CDH4: variants seen among roughly 807,000 people sequenced by gnomAD.
CDH4 encodes cadherin 4.
Under a neutral mutation model 86.0 loss-of-function variants are expected in CDH4, and 33 were observed. The observed-to-expected ratio is 0.38, with a 90% CI of 0.29 to 0.51. The LOEUF is 0.51. Among genes scored for constraint, CDH4 ranks in the 20% least tolerant of loss-of-function variants. The probability of loss-of-function intolerance (pLI) is 0.86; values close to 1 mark genes in which losing one functional copy is unlikely to be tolerated. For synonymous variants in CDH4, 555 were observed against 549.4 expected, an observed-to-expected ratio of 1.01 and a Z score of -0.14; for missense variants, 1,114 against 1,307.4, an observed-to-expected ratio of 0.85 and a Z score of 2.28.
At chr20:61,884,142 G>A (rs1288144185) in intron 7 of CDH4, among the ~76,000 whole-genome samples, 12 of 152,294 alleles carry the variant, frequency 7.9e-5, no homozygotes, top group Admixed American at 3.9e-4. Context: ...GAGTGAGAGG[G>A]GAGGGTCTGC....
chr20:61,932,120 C>T (rs911065780), intron 13 of CDH4, among the ~76,000 whole-genome samples: 1 of 152,168 alleles, frequency 6.6e-6, no homozygotes, highest in Non-Finnish European at 1.5e-5. Flanking sequence ...CCTACCAAGA[C>T]ACTGTGTGCC....
chr20:61,477,585 T>C (rs1600703112), intron 2 of CDH4, among the ~76,000 whole-genome samples: 1 of 152,226 alleles, frequency 6.6e-6, no homozygotes, highest in Non-Finnish European at 1.5e-5. Context: ...CATCCCGCCT[T>C]CCTTGAGCTC....
chr20:61,531,674 G>A (rs7271943), intron 2 of CDH4, among the ~76,000 whole-genome samples: 5,025 of 152,234 alleles, frequency 0.033, 267 homozygotes, highest in African/African-American at 0.11. Flanking sequence ...GGAGGGCAGC[G>A]CCAAGTGCAT....
chr20:61,297,729 C>T (rs1477605306), intron 2 of CDH4, among the ~76,000 whole-genome samples: 1 of 152,250 alleles, frequency 6.6e-6, no homozygotes, highest in African/African-American at 2.4e-5. Context: ...CTTTCCTGCC[C>T]TCTCGCGTGT....
At chr20:61,913,653 A>G (rs1000722242) in intron 9 of CDH4, among the ~76,000 whole-genome samples, 3 of 152,316 alleles carry the variant, frequency 2.0e-5, no homozygotes, top group Middle Eastern at 3.4e-3. Context: ...GAGATGGGAA[A>G]TCATCCCCTT....
At chr20:61,264,836 C>T (rs1185714053) in intron 2 of CDH4, among the ~76,000 whole-genome samples, 1 of 143,328 alleles carries the variant, frequency 7.0e-6, no homozygotes, top group Non-Finnish European at 1.5e-5. Flanking sequence ...GTGGCTCCTT[C>T]ATTCAGTCCT....
At chr20:61,645,981 T>A (rs992354871) in intron 2 of CDH4, among the ~76,000 whole-genome samples, 2 of 152,116 alleles carry the variant, frequency 1.3e-5, no homozygotes, top group African/African-American at 4.8e-5. Context: ...AGCTCTGCAG[T>A]GCACATGTCT....
intron 2 of CDH4, among the ~76,000 whole-genome samples, chr20:61,265,231 T>C (rs2084151267): frequency 6.6e-6 from 1 of 150,944 alleles, no homozygotes; most frequent in African/African-American, 2.4e-5. Context: ...GGCTCCTTCA[T>C]TCAATCTTAC....
chr20:61,740,544 T>C (rs538969537), intron 2 of CDH4: 1 of 152,266 alleles, frequency 6.6e-6, no homozygotes, highest in Admixed American at 6.5e-5. Flanking sequence ...GTTCTGAAGC[T>C]CCTTTCTTCT....
At chr20:61,711,462 T>C (rs561057945) in intron 2 of CDH4, among the ~76,000 whole-genome samples, 2 of 152,354 alleles carry the variant, frequency 1.3e-5, no homozygotes, top group South Asian at 4.1e-4. Flanking sequence ...GAATCCTGCC[T>C]TTCCCAATCC....
chr20:61,422,440 A>C (rs1245808705), intron 2 of CDH4, among the ~76,000 whole-genome samples: 9 of 60,164 alleles, frequency 1.5e-4, no homozygotes, highest in Non-Finnish European at 2.5e-4. Flanking sequence ...AAAAAAAAAA[A>C]AAAAAAAAAA....
intron 2 of CDH4, among the ~76,000 whole-genome samples, chr20:61,581,659 G>C (rs2086429617): frequency 6.6e-6 from 1 of 152,130 alleles, no homozygotes; most frequent in South Asian, 2.1e-4. Context: ...ATGATGCCCT[G>C]TGCCTGGGCT....
rs1325914685 is a variant in CDH4 at position 61,383,451 on chromosome 20, A to T, written c.169+128514A>T. Among the ~76,000 whole-genome samples, 12 of 24,924 alleles carry T rather than the reference A, an allele frequency of 4.8e-4. 3 individuals carry two copies. The Admixed American group carries it at 4.8e-3, about 10-fold the overall frequency. 16.4% of individuals were successfully genotyped at this position (24,924 alleles called of 152,430 possible). On this transcript the variant is annotated intron_variant, in intron 2 of 15. Coordinates refer to ENST00000614565, the MANE Select transcript of CDH4 (RefSeq NM_001794.5). ...ATATATCATATATGAATATATATTC[A>T]TATATATGAAGATATATATGAATAT...
Position 61,680,097 on chromosome 20 carries a change from C to T in CDH4, c.170-63466C>T, listed in dbSNP as rs575478001. On this transcript the variant is annotated intron_variant, in intron 2 of 15. Coordinates refer to ENST00000614565, the MANE Select transcript of CDH4 (RefSeq NM_001794.5). ...TGGAGGACCCTGCCCCAGGGCTGCA[C>T]CCTGCATCCTGAAGCGAGGAACAGA... Among the ~76,000 whole-genome samples the T allele has an allele frequency of 2.6e-5, 4 of 152,340 alleles. No homozygotes were observed. The East Asian group carries it at 5.8e-4, about 22-fold the overall frequency.
At chr20:61,916,166 G>C (rs953621969) in intron 9 of CDH4, among the ~76,000 whole-genome samples, 1 of 151,774 alleles carries the variant, frequency 6.6e-6, no homozygotes, top group Admixed American at 6.6e-5. Flanking sequence ...ATTCTCTTTC[G>C]GAGCAGGGGA....
chr20:61,622,831 C>T (rs914010382), intron 2 of CDH4, among the ~76,000 whole-genome samples: 2 of 152,168 alleles, frequency 1.3e-5, no homozygotes, highest in Non-Finnish European at 2.9e-5. Context: ...GCCCCATCCC[C>T]TGGGGACAGA....
At chr20:61,767,215 C>A (rs150905956) in intron 3 of CDH4, among the ~76,000 whole-genome samples, 1 of 152,328 alleles carries the variant, frequency 6.6e-6, no homozygotes, top group African/African-American at 2.4e-5. Flanking sequence ...AGGCTGAGGG[C>A]CATTTGCTTT....
chr20:61,258,788 T>A (rs2084114757), intron 2 of CDH4, among the ~76,000 whole-genome samples: 1 of 152,240 alleles, frequency 6.6e-6, no homozygotes, highest in Non-Finnish European at 1.5e-5. Flanking sequence ...GCAAACTGGC[T>A]GCTGTGGTTC....
At chr20:61,687,992 T>G (rs1416906224) in intron 2 of CDH4, among the ~76,000 whole-genome samples, 1 of 152,070 alleles carries the variant, frequency 6.6e-6, no homozygotes, top group Non-Finnish European at 1.5e-5. Flanking sequence ...TTATTATGAC[T>G]TCATAATAAG....
Sources: allele counts gnomAD v4.1 joint callset (sites outside exome capture counted in the v4.1 genomes callset), GRCh38; gene constraint gnomAD v4.1.1; transcripts MANE v1.5; gene names NCBI Gene and HGNC (gene_info 2026-07-23, HGNC 2026-07-21).